The following ALPK1 variants were observed in gnomAD, a reference collection of about 807,000 sequenced individuals.
The protein encoded by ALPK1 is alpha-protein kinase 1.
A neutral mutation model predicts 120.6 loss-of-function variants in ALPK1; 110 were observed. The observed-to-expected ratio is 0.91, with a 90% CI of 0.78 to 1.07. The LOEUF (loss-of-function observed/expected upper bound fraction) is 1.07. Ranked by LOEUF, ALPK1 falls within the 50% of genes least tolerant of loss-of-function variation. The probability of loss-of-function intolerance (pLI) is 0.00; values close to 1 mark genes in which losing one functional copy is unlikely to be tolerated. For synonymous variants in ALPK1, 582 were observed against 560.3 expected, an observed-to-expected ratio of 1.04 and a Z score of -0.55; for missense variants, 1,498 against 1,483.9, an observed-to-expected ratio of 1.01 and a Z score of -0.16.
At chr4:112,403,655 AC>A (rs1733027794) in intron 4 of ALPK1, among the ~76,000 whole-genome samples, 1 of 152,304 alleles carries the variant, frequency 6.6e-6, no homozygotes, top group East Asian at 1.9e-4. Flanking sequence ...TTCTGTAAAC[AC>A]TTTAGAAATG....
At chr4:112,347,045 C>T (rs924532202) in intron 2 of ALPK1, among the ~76,000 whole-genome samples, 10 of 152,034 alleles carry the variant, frequency 6.6e-5, no homozygotes, top group East Asian at 3.8e-4. Flanking sequence ...TATTGTAGCT[C>T]GAATAAGGTC....
chr4:112,386,341 C>A (rs1190293378), intron 4 of ALPK1, among the ~76,000 whole-genome samples: 1 of 152,152 alleles, frequency 6.6e-6, no homozygotes, highest in Non-Finnish European at 1.5e-5. Flanking sequence ...CGCGCTCTCC[C>A]AGAAAAAACA....
chr4:112,411,311 G>A (rs1733446010), intron 4 of ALPK1, among the ~76,000 whole-genome samples: 2 of 152,136 alleles, frequency 1.3e-5, no homozygotes, highest in African/African-American at 2.4e-5. Flanking sequence ...TGCAACCTCC[G>A]CCTCCTGGGT....
Position 112,426,537 on chromosome 4 carries a change from TA to T in ALPK1, c.698del (p.Lys233ArgfsTer7). 6.3e-7 allele frequency: 1 copy of T among 1,575,210 alleles called. No homozygotes were observed. The highest frequency in any genetic ancestry group is 1.9e-5 in the Admixed American group (1 of 51,342). On this transcript the variant is annotated frameshift_variant, in exon 8 of 16. Transcript: ENST00000650871. LOFTEE classifies it high-confidence loss of function. Reference sequence around the variant, plus strand: ...GATATTTGGCACTTCCTCAGCCGGATAAAAAGGTGGTTTGTCTAGTGCTTCT... The same window carrying T: ...GATATTTGGCACTTCCTCAGCCGGATAAAAGGTGGTTTGTCTAGTGCTTCT... ...VGYLALPQPD[K>X]KGLSTSLGIL... is the part of the protein sequence containing the mutation.
At chr4:112,310,070 A>G (rs1728325421) in intron 1 of ALPK1, among the ~76,000 whole-genome samples, 1 of 152,110 alleles carries the variant, frequency 6.6e-6, no homozygotes, top group African/African-American at 2.4e-5. Flanking sequence ...CCAATGCATG[A>G]CACATTGTAG....
chr4:112,334,567 A>C (rs1001165945), intron 2 of ALPK1, among the ~76,000 whole-genome samples: 10 of 152,148 alleles, frequency 6.6e-5, no homozygotes, highest in Admixed American at 5.9e-4. Context: ...AGTGTATACT[A>C]TGGGGATATC....
intron 7 of ALPK1, 97 bp from the exon 8 acceptor site, chr4:112,426,370 G>T (rs1482167696): frequency 4.6e-6 from 4 of 878,094 alleles, no homozygotes; most frequent in East Asian, 2.6e-5. Context: ...AATGAGTCTT[G>T]GTTCTGTATT....
intron 1 of ALPK1, among the ~76,000 whole-genome samples, chr4:112,311,023 G>C (rs1298320832): frequency 6.6e-6 from 1 of 152,186 alleles, no homozygotes; most frequent in Non-Finnish European, 1.5e-5. Flanking sequence ...AAGGTGACTT[G>C]CACAAGTTCA....
At chr4:112,326,048 C>T (rs560108013) in intron 2 of ALPK1, among the ~76,000 whole-genome samples, 8 of 152,232 alleles carry the variant, frequency 5.3e-5, no homozygotes, top group African/African-American at 1.7e-4. Context: ...GCCTGGCCTT[C>T]CTAGGGCTCT....
chr4:112,316,825 T>C (rs1001737614), intron 2 of ALPK1, among the ~76,000 whole-genome samples: 19 of 151,918 alleles, frequency 1.3e-4, no homozygotes, highest in African/African-American at 3.9e-4. Flanking sequence ...TTTGTCTGCT[T>C]TATTCCACTA....
chr4:112,343,588 T>C (rs1729965804), intron 2 of ALPK1: 1 of 152,250 alleles, frequency 6.6e-6, no homozygotes, highest in South Asian at 2.1e-4. Context: ...CTCGCTGTGG[T>C]ATACAAATAG....
chr4:112,422,985 G>T (rs1734067178), intron 5 of ALPK1, among the ~76,000 whole-genome samples: 1 of 152,258 alleles, frequency 6.6e-6, no homozygotes, highest in South Asian at 2.1e-4. Context: ...TGTTCAAGGT[G>T]AAGGGAAATA....
At chr4:112,355,040 C>A (rs1234011038) in intron 2 of ALPK1, among the ~76,000 whole-genome samples, 1 of 152,102 alleles carries the variant, frequency 6.6e-6, no homozygotes, top group African/African-American at 2.4e-5. Context: ...TTTTCCAGAC[C>A]ACAAACAGAG....
chr4:112,430,793 A>G lies in ALPK1; in HGVS notation c.1246A>G (p.Lys416Glu). The change falls in exon 11 of 16, where the codon AAG (lysine) becomes GAG (glutamate). Residue 416 changes from lysine to glutamate, a missense_variant. Transcript: ENST00000650871. ...AGTTATGTCTGTGATTGCCCAGGTG[A>G]AGGAACATTTACAAGTTCAAAGCTT... ...QEVMSVIAQVKEHLQVQSFSN... is the reference protein window; with the variant it reads ...QEVMSVIAQVEEHLQVQSFSN... 6.2e-7 allele frequency: 1 copy of G among 1,614,234 alleles called. No individual in the cohort carries two copies.
Position 112,430,572 on chromosome 4 carries a change from A to T in ALPK1, c.1025A>T (p.Asp342Val), listed in dbSNP as rs1239417153. Residue 342 changes from aspartate (D) to valine (V), a missense_variant, in exon 11 of 16, where the codon GAT becomes GTT. Coordinates refer to ENST00000650871, the MANE Select transcript of ALPK1 (RefSeq NM_025144.4). ...ATTGGCCTCCTCACCAAGAGAGATG[A>T]TGAGCCTGTTACTGGAAAACAGGAG... ...FEIGLLTKRD[D>V]EPVTGKQELH... The T allele has an allele frequency of 6.2e-7, 1 of 1,614,188 alleles. No individual in the cohort carries two copies. The highest frequency in any genetic ancestry group is 1.1e-5 in the South Asian group (1 of 91,082).
intron 4 of ALPK1, among the ~76,000 whole-genome samples, chr4:112,396,278 C>T (rs1483797739): frequency 6.6e-6 from 1 of 152,206 alleles, no homozygotes; most frequent in African/African-American, 2.4e-5. Flanking sequence ...GTCTAAGCTC[C>T]ATATTTGGCC....
chr4:112,431,008 A>G lies in ALPK1; in HGVS notation c.1461A>G (p.Gly487=), dbSNP rs781014155. The change falls in exon 11 of 16, where the codon GGA becomes GGG. Residue 487 remains glycine (G), a synonymous_variant. Transcript: ENST00000650871. ...NKNEQKDAKT[G]VCITALKTEI... ...ATGAACAGAAAGATGCAAAAACAGG[A>G]GTCTGCATCACTGCTCTAAAAACAG... 1.3e-5 allele frequency: 21 copies of G among 1,613,288 alleles called. No individual in the cohort carries two copies. Among genetic ancestry groups the G allele is most frequent in the Non-Finnish European group, 1.8e-5 (21 of 1,179,696 alleles).
intron 4 of ALPK1, among the ~76,000 whole-genome samples, chr4:112,403,566 T>C (rs973046205): frequency 2.0e-5 from 3 of 152,190 alleles, no homozygotes; most frequent in East Asian, 1.9e-4. Flanking sequence ...TCCTCCAGAA[T>C]AGGATGCTTC....
At chr4:112,357,403 T>C in intron 2 of ALPK1, 1 of 692,094 alleles carries the variant, frequency 1.4e-6, no homozygotes, top group Non-Finnish European at 2.6e-6. Context: ...TCCATCCTGA[T>C]GCCAGTCACC....
Sources: gnomAD v4.1 joint callset for allele counts (sites outside exome capture counted in the v4.1 genomes callset) on GRCh38, gnomAD v4.1.1 for gene constraint, MANE v1.5 for transcripts, NCBI Gene and HGNC (gene_info 2026-07-23, HGNC 2026-07-21) for gene names.